The following GADL1 variants were observed in gnomAD, a reference collection of about 807,000 sequenced individuals.
The protein encoded by GADL1 is GAD like acidic amino acid decarboxylase 1.
GADL1 carries 71 observed loss-of-function variants against 69.5 expected under a neutral mutation model. That is an observed-to-expected ratio of 1.02 (90% confidence interval 0.84 to 1.25). The LOEUF is 1.25. GADL1 is among the 50% of genes most tolerant of loss of function. The probability of loss-of-function intolerance (pLI) is 0.00; values close to 1 mark genes in which losing one functional copy is unlikely to be tolerated. For missense variants in GADL1, 737 were observed against 631.8 expected, an observed-to-expected ratio of 1.17 and a Z score of -1.79; for synonymous variants, 254 against 214.4, an observed-to-expected ratio of 1.18 and a Z score of -1.62.
intron 11 of GADL1, 111 bp from the exon 12 acceptor site, chr3:30,801,199 A>G (rs118118266): frequency 1.3e-6 from 1 of 770,826 alleles, no homozygotes; most frequent in African/African-American, 1.7e-5. Flanking sequence ...CCAAGTGTAC[A>G]TCTCACTTTG....
At chr3:30,749,929 C>A (rs1575183060) in intron 14 of GADL1, among the ~76,000 whole-genome samples, 1 of 152,152 alleles carries the variant, frequency 6.6e-6, no homozygotes, top group Non-Finnish European at 1.5e-5. Flanking sequence ...GGGTATTCTA[C>A]AGCCAATGAT....
chr3:30,836,441 T>C (rs918883148), intron 9 of GADL1, among the ~76,000 whole-genome samples: 2 of 151,888 alleles, frequency 1.3e-5, no homozygotes, highest in African/African-American at 4.8e-5. Flanking sequence ...TACTTTAATT[T>C]GCTGCACTCT....
At chr3:30,826,528 CA>C (rs1173632875) in intron 11 of GADL1, among the ~76,000 whole-genome samples, 2 of 151,760 alleles carry the variant, frequency 1.3e-5, no homozygotes, top group Non-Finnish European at 2.9e-5. Context: ...GCCAAACTGA[CA>C]AAATAAATGT....
At chr3:30,764,079 G>C (rs1696207945) in intron 14 of GADL1, among the ~76,000 whole-genome samples, 1 of 152,044 alleles carries the variant, frequency 6.6e-6, no homozygotes, top group South Asian at 2.1e-4. Flanking sequence ...AGCATAGAAA[G>C]TTTTAACATT....
At chr3:30,811,434 G>A (rs1386600355) in intron 11 of GADL1, among the ~76,000 whole-genome samples, 11 of 152,008 alleles carry the variant, frequency 7.2e-5, no homozygotes, top group Non-Finnish European at 1.0e-4. Context: ...TAGTACAATC[G>A]GTCTTCTCTC....
chr3:30,767,357 G>C (rs1472454099), intron 14 of GADL1, among the ~76,000 whole-genome samples: 1 of 152,156 alleles, frequency 6.6e-6, no homozygotes, highest in Non-Finnish European at 1.5e-5. Flanking sequence ...AGTATTAGCA[G>C]ATTTGAGAAC....
Position 30,815,863 on chromosome 3 carries a change from T to C in GADL1, c.1051-14775A>G, listed in dbSNP as rs575987960. ...TTGTTTTAGGCACACATAAGCTGTG[T>C]GGTTAAAAGCATGGATTGCGGACTA... On this transcript the variant is annotated intron_variant, in intron 11 of 14. Transcript: ENST00000282538. Among the ~76,000 whole-genome samples, 13 of 152,200 alleles carry C rather than the reference T, an allele frequency of 8.5e-5. No homozygotes were observed. The South Asian group carries it at 1.7e-3, about 19-fold the overall frequency.
chr3:30,765,500 TGAAAA>T (rs1696255029), intron 14 of GADL1, among the ~76,000 whole-genome samples: 1 of 152,214 alleles, frequency 6.6e-6, no homozygotes, highest in Non-Finnish European at 1.5e-5. Flanking sequence ...GATAACATTG[TGAAAA>T]CATACAAGGA....
chr3:30,830,259 C>A (rs144942406), intron 11 of GADL1, among the ~76,000 whole-genome samples: 14 of 151,928 alleles, frequency 9.2e-5, no homozygotes, highest in African/African-American at 2.7e-4. Flanking sequence ...AAAGTCCCCC[C>A]CTGCCAGCTT....
chr3:30,844,805 A>G (rs184154602), intron 6 of GADL1, among the ~76,000 whole-genome samples: 2 of 152,262 alleles, frequency 1.3e-5, no homozygotes, highest in Non-Finnish European at 2.9e-5. Flanking sequence ...GGTTAATAAT[A>G]TATGTAGAGG....
intron 14 of GADL1, among the ~76,000 whole-genome samples, chr3:30,772,589 G>GT (rs1484177140): frequency 1.8e-4 from 27 of 152,134 alleles, no homozygotes; most frequent in African/African-American, 6.3e-4. Flanking sequence ...AAAGCAAAGT[G>GT]TATAGGGCTG....
chr3:30,742,830 T>A (rs1173851678), intron 14 of GADL1, among the ~76,000 whole-genome samples: 1 of 152,210 alleles, frequency 6.6e-6, no homozygotes, highest in Non-Finnish European at 1.5e-5. Flanking sequence ...TCAAGTAATT[T>A]TTTTTTTGCT....
At chr3:30,755,577 A>AT (rs1343162474) in intron 14 of GADL1, among the ~76,000 whole-genome samples, 2 of 126,796 alleles carry the variant, frequency 1.6e-5, no homozygotes, top group South Asian at 2.7e-4. Flanking sequence ...GAAATCGTCC[A>AT]TTTTTGCTTG....
At chr3:30,887,617 G>C (rs1698726372) in intron 1 of GADL1, among the ~76,000 whole-genome samples, 2 of 151,820 alleles carry the variant, frequency 1.3e-5, no homozygotes, top group South Asian at 4.2e-4. Flanking sequence ...TTTTTTTTAT[G>C]AATTATTTTG....
intron 11 of GADL1, among the ~76,000 whole-genome samples, chr3:30,813,787 C>A (rs542058374): frequency 5.9e-5 from 9 of 152,348 alleles, no homozygotes; most frequent in African/African-American, 1.9e-4. Context: ...TTACTATAAT[C>A]ATGAGCAGTC....
intron 13 of GADL1, 92 bp from the exon 14 acceptor site, chr3:30,778,360 G>A (rs1696587051): frequency 6.5e-6 from 5 of 771,788 alleles, no homozygotes; most frequent in Non-Finnish European, 8.7e-6. Flanking sequence ...GTTTCTTCAA[G>A]AGTTATCATG....
At chr3:30,735,751 C>A (rs1364717925) in intron 14 of GADL1, among the ~76,000 whole-genome samples, 1 of 152,114 alleles carries the variant, frequency 6.6e-6, no homozygotes, top group Non-Finnish European at 1.5e-5. Context: ...GAAGCTGGGC[C>A]TTTGCACTCT....
rs17026628 is a variant in GADL1 at position 30,815,828 on chromosome 3, A to G, written c.1051-14740T>C. 0.013 allele frequency among the ~76,000 whole-genome samples: 2,043 copies of G among 152,258 alleles called. 187 individuals are homozygous for G. The East Asian group carries it at 0.27, about 20-fold the overall frequency. On this transcript the variant is annotated intron_variant, in intron 11 of 14. Transcript: ENST00000282538. ...AGGTGGGAAACAGGGTTGATCCATT[A>G]CCTGCCATCTTGTTTTAGGCACACA...
intron 14 of GADL1, among the ~76,000 whole-genome samples, chr3:30,755,143 T>C (rs1695937271): frequency 2.0e-5 from 3 of 152,180 alleles, no homozygotes; most frequent in Non-Finnish European, 4.4e-5. Flanking sequence ...CTATAGTGAA[T>C]GTCATACAGA....
Sources: gnomAD v4.1 joint callset for allele counts (sites outside exome capture counted in the v4.1 genomes callset) on GRCh38, gnomAD v4.1.1 for gene constraint, MANE v1.5 for transcripts, NCBI Gene and HGNC (gene_info 2026-07-23, HGNC 2026-07-21) for gene names.